The following KIF16B variants were observed in gnomAD, a reference collection of about 807,000 sequenced individuals.
KIF16B encodes kinesin family member 16B, also known as kinesin-like protein KIF16B.
A neutral mutation model predicts 156.3 loss-of-function variants in KIF16B; 98 were observed. The ratio of observed to expected loss-of-function variants is 0.63; its 90% CI spans 0.53 to 0.74. The LOEUF (loss-of-function observed/expected upper bound fraction) is 0.74, where lower values mean the gene tolerates loss of function less well. KIF16B is among the 30% of genes least tolerant of loss of function. KIF16B has a pLI of 0.00. For synonymous variants in KIF16B, 564 were observed against 583.7 expected (o/e 0.97, Z 0.49); for missense variants, 1,421 against 1,606.5 (o/e 0.88, Z 1.97).
chr20:16,558,435 T>A (rs752736701), intron 1 of KIF16B, among the ~76,000 whole-genome samples: 3 of 152,180 alleles, frequency 2.0e-5, no homozygotes, highest in Non-Finnish European at 4.4e-5. Context: ...GTGTGCCTCC[T>A]CCACCCTCTC....
At chr20:16,301,308 G>T (rs192443773) in intron 25 of KIF16B, among the ~76,000 whole-genome samples, 68 of 152,306 alleles carry the variant, frequency 4.5e-4, no homozygotes, top group African/African-American at 1.6e-3. Context: ...TTTATGTGCA[G>T]ATCTTTGAGA....
intron 25 of KIF16B, among the ~76,000 whole-genome samples, chr20:16,290,477 T>C (rs1418583467): frequency 6.6e-6 from 1 of 152,214 alleles, no homozygotes; most frequent in Non-Finnish European, 1.5e-5. Context: ...GTCTGAATAA[T>C]ACTGAGTCTC....
intron 3 of KIF16B, among the ~76,000 whole-genome samples, chr20:16,517,400 C>A (rs1004559036): frequency 6.6e-6 from 1 of 152,236 alleles, no homozygotes; most frequent in Non-Finnish European, 1.5e-5. Context: ...TGGCAACTCA[C>A]ACTTACTCCG....
At chr20:16,531,297 C>T (rs118023902) in intron 1 of KIF16B, among the ~76,000 whole-genome samples, 2 of 152,288 alleles carry the variant, frequency 1.3e-5, no homozygotes, top group East Asian at 1.9e-4. Context: ...ATTTATCTTG[C>T]ATTTCCAAAA....
chr20:16,301,902 G>A (rs558745524), intron 25 of KIF16B, among the ~76,000 whole-genome samples: 14 of 152,144 alleles, frequency 9.2e-5, no homozygotes, highest in Non-Finnish European at 1.8e-4. Context: ...TGCCTGCCTC[G>A]GCCTCTCAAA....
At chr20:16,424,453 C>A (rs17671618) in intron 15 of KIF16B, among the ~76,000 whole-genome samples, 16 of 152,106 alleles carry the variant, frequency 1.1e-4, no homozygotes, top group African/African-American at 3.1e-4. Context: ...TTGGCTAACC[C>A]TGAATAAACT....
At chr20:16,409,097 G>C (rs1384999573) in intron 15 of KIF16B, among the ~76,000 whole-genome samples, 1 of 152,130 alleles carries the variant, frequency 6.6e-6, no homozygotes, top group African/African-American at 2.4e-5. Flanking sequence ...AGCTGCAGCT[G>C]AAGGAGAAGA....
intron 20 of KIF16B, 145 bp from the exon 21 acceptor site, chr20:16,371,906 T>C: frequency 3.3e-6 from 2 of 603,494 alleles, no homozygotes; most frequent in East Asian, 2.8e-5. Flanking sequence ...CTTCAACATT[T>C]TTATTTTTTT....
chr20:16,491,356 T>G (rs936326184), intron 12 of KIF16B, among the ~76,000 whole-genome samples: 1 of 152,132 alleles, frequency 6.6e-6, no homozygotes, highest in Admixed American at 6.5e-5. Flanking sequence ...CAAAGAAGTC[T>G]GGACTTTAGA....
At chr20:16,374,172 C>T in intron 20 of KIF16B, 85 bp downstream of exon 20, 5 of 1,335,362 alleles carry the variant, frequency 3.7e-6, no homozygotes, top group Non-Finnish European at 5.0e-6. Context: ...TAGAGCCCTC[C>T]AGATACAAAG....
At chr20:16,448,144 A>G (rs887985146) in intron 12 of KIF16B, among the ~76,000 whole-genome samples, 12 of 152,112 alleles carry the variant, frequency 7.9e-5, no homozygotes, top group African/African-American at 2.9e-4. Flanking sequence ...TTTCTCCACC[A>G]GTTCTCACTC....
chr20:16,494,782 T>C (rs2068399526), intron 11 of KIF16B, among the ~76,000 whole-genome samples: 1 of 152,230 alleles, frequency 6.6e-6, no homozygotes, highest in South Asian at 2.1e-4. Flanking sequence ...AGTTTTACTT[T>C]AGGAGATAAT....
chr20:16,369,253 C>A (rs961344773), intron 22 of KIF16B: 9 of 985,650 alleles, frequency 9.1e-6, no homozygotes, highest in African/African-American at 1.7e-5. Flanking sequence ...CCATGCTGGG[C>A]AAAACTGCCT....
intron 25 of KIF16B, among the ~76,000 whole-genome samples, chr20:16,290,128 CT>C (rs2063291993): frequency 6.6e-6 from 1 of 152,196 alleles, no homozygotes. Context: ...GATATAATGA[CT>C]GCTCCAAACG....
chr20:16,294,725 A>T (rs909161197), intron 25 of KIF16B, among the ~76,000 whole-genome samples: 9 of 152,276 alleles, frequency 5.9e-5, no homozygotes, highest in Middle Eastern at 3.4e-3. Flanking sequence ...CACCATGGCT[A>T]TGGCTAATAT....
chr20:16,340,806 G>A (rs2064127737), intron 23 of KIF16B, among the ~76,000 whole-genome samples: 1 of 152,156 alleles, frequency 6.6e-6, no homozygotes, highest in African/African-American at 2.4e-5. Context: ...AGTGGCCCCA[G>A]TGGTCCTTAT....
chr20:16,463,631 A>G (rs2067409085), intron 12 of KIF16B, among the ~76,000 whole-genome samples: 1 of 152,250 alleles, frequency 6.6e-6, no homozygotes, highest in African/African-American at 2.4e-5. Context: ...GAGTATATGG[A>G]ATTTAACAAG....
Position 16,470,102 on chromosome 20 carries a change from A to G in KIF16B, c.1302+24189T>C, listed in dbSNP as rs537121801. ...GCCAATCTAAAAAGGCTCATATGGT[A>G]TGATTCCACCTATATGACATTTTAG... On this transcript the variant is annotated intron_variant, in intron 12 of 25. Transcript: ENST00000354981. Among the ~76,000 whole-genome samples, 42 of 152,338 alleles carry G rather than the reference A, an allele frequency of 2.8e-4. 1 individual carries two copies. In the South Asian group the frequency reaches 6.2e-3, roughly 23 times the overall value.
At chr20:16,346,530 G>A (rs535593188) in intron 23 of KIF16B, among the ~76,000 whole-genome samples, 4 of 152,266 alleles carry the variant, frequency 2.6e-5, no homozygotes, top group South Asian at 2.1e-4. Flanking sequence ...ACTCACACTC[G>A]AGGCAGCTAT....
Sources: gnomAD v4.1 joint callset for allele counts (sites outside exome capture counted in the v4.1 genomes callset) on GRCh38, gnomAD v4.1.1 for gene constraint, MANE v1.5 for transcripts, NCBI Gene and HGNC (gene_info 2026-07-23, HGNC 2026-07-21) for gene names.